The following ORMDL1 variants were observed in gnomAD, a reference collection of about 807,000 sequenced individuals.
ORMDL1 encodes ORMDL sphingolipid biosynthesis regulator 1.
A neutral mutation model predicts 13.0 loss-of-function variants in ORMDL1; 10 were observed. The observed-to-expected ratio is 0.77, with a 90% confidence interval of 0.47 to 1.30. ORMDL1 has a LOEUF of 1.30. ORMDL1 is among the 50% of genes most tolerant of loss of function. The pLI is 0.00. For synonymous variants in ORMDL1, 61 were observed against 63.9 expected (o/e 0.95, Z 0.22); for missense variants, 171 against 186.7 (o/e 0.92, Z 0.49).
intron 3 of ORMDL1, chr2:189,778,246 T>C (rs1360823431): frequency 2.5e-6 from 1 of 392,842 alleles, no homozygotes; most frequent in East Asian, 7.2e-5. Flanking sequence ...AATACAAAAA[T>C]TAGCCAGGCA....
intron 4 of ORMDL1, 146 bp from the exon 5 acceptor site, chr2:189,772,048 C>A (rs534141853): frequency 1.6e-6 from 1 of 643,908 alleles, no homozygotes; most frequent in South Asian, 3.1e-5. Flanking sequence ...CAAGAGGAAT[C>A]GGTTTGGTCC....
chr2:189,781,278 T>G (rs2047822020), intron 3 of ORMDL1, among the ~76,000 whole-genome samples: 2 of 152,218 alleles, frequency 1.3e-5, no homozygotes, highest in African/African-American at 2.4e-5. Flanking sequence ...TCTTAATGCT[T>G]TAAGTTCATT....
At chr2:189,769,344 G>A (rs943518173), downstream of ORMDL1, among the ~76,000 whole-genome samples, 6 of 151,418 alleles carry the variant, frequency 4.0e-5, no homozygotes, top group Admixed American at 3.3e-4. Context: ...CCGGGATCAC[G>A]CCACTGCACT....
At chr2:189,778,575 G>A in intron 3 of ORMDL1, 1 of 402,620 alleles carries the variant, frequency 2.5e-6, no homozygotes, top group Non-Finnish European at 5.0e-6. Context: ...ATCAGGCAGA[G>A]CAGGAAGGAG....
At chr2:189,779,204 T>C (rs1463065719) in intron 3 of ORMDL1, among the ~76,000 whole-genome samples, 1 of 152,194 alleles carries the variant, frequency 6.6e-6, no homozygotes, top group Non-Finnish European at 1.5e-5. Flanking sequence ...TGGCTGGGCA[T>C]GCTGGCTCAT....
At chr2:189,775,126 C>T (rs1450236452) in intron 4 of ORMDL1, 1 of 153,306 alleles carries the variant, frequency 6.5e-6, no homozygotes, top group African/African-American at 2.4e-5. Flanking sequence ...AAAGCCTGAC[C>T]TACTTTTTTC....
intron 3 of ORMDL1, chr2:189,778,132 G>A (rs946565252): frequency 4.5e-6 from 2 of 448,084 alleles, no homozygotes; most frequent in Non-Finnish European, 8.9e-6. Context: ...CTAAACCGTG[G>A]TGGCTCACAC....
chr2:189,782,676 G>C (rs2047888667), intron 2 of ORMDL1, 74 bp from the exon 3 acceptor site: 1 of 1,379,720 alleles, frequency 7.2e-7, no homozygotes, highest in Non-Finnish European at 1.0e-6. Flanking sequence ...ACATGACAAG[G>C]TACCTGTGTT....
Position 189,771,811 on chromosome 2 carries a change from G to A in ORMDL1, c.418C>T (p.Pro140Ser). 6.2e-7 allele frequency: 1 copy of A among 1,612,064 alleles called. No individual in the cohort carries two copies. The highest frequency in any genetic ancestry group is 8.5e-7 in the Non-Finnish European group (1 of 1,179,182). ...AAGATCCGAACACCATGTAGTTGTG[G>A]CATTTTGGGAATTAGTACACTCAGG... ...SLLSVLIPKM[P>S]QLHGVRIFGI... The change falls in exon 5 of 5, where the codon CCA (proline) becomes TCA (serine). Residue 140 changes from proline (P) to serine (S), a missense_variant. Physicochemically the swap from Pro to Ser is moderately conservative, Grantham distance 74. Transcript: ENST00000392349.
chr2:189,773,176 C>T (rs2047616292), intron 4 of ORMDL1, among the ~76,000 whole-genome samples: 1 of 152,002 alleles, frequency 6.6e-6, no homozygotes, highest in African/African-American at 2.4e-5. Context: ...AGCATATGTC[C>T]CCTTTTTGTC....
intron 3 of ORMDL1, among the ~76,000 whole-genome samples, chr2:189,781,725 AG>A (rs2047840084): frequency 1.3e-5 from 2 of 149,194 alleles, no homozygotes; most frequent in South Asian, 4.1e-4. Context: ...AAAGCGTGAA[AG>A]AAAAAAGAAA....
intron 3 of ORMDL1, among the ~76,000 whole-genome samples, chr2:189,777,384 C>A (rs149856168): frequency 6.6e-6 from 1 of 152,054 alleles, no homozygotes; most frequent in African/African-American, 2.4e-5. Context: ...TTCAAATCAT[C>A]GGGGGTATAG....
downstream of ORMDL1, among the ~76,000 whole-genome samples, chr2:189,766,621 G>A (rs1165728719): frequency 6.6e-6 from 1 of 152,160 alleles, no homozygotes; most frequent in Non-Finnish European, 1.5e-5. Context: ...CTACGTGGGA[G>A]GCTGAGGCAT....
At chr2:189,769,654 A>G (rs1204162441), downstream of ORMDL1, among the ~76,000 whole-genome samples, 1 of 152,222 alleles carries the variant, frequency 6.6e-6, no homozygotes, top group East Asian at 1.9e-4. Flanking sequence ...GCAACAAATC[A>G]TAATAATGGA....
chr2:189,769,695 C>G (rs894510250), downstream of ORMDL1, among the ~76,000 whole-genome samples: 7 of 151,886 alleles, frequency 4.6e-5, no homozygotes, highest in African/African-American at 1.7e-4. Context: ...TATCCATAAG[C>G]CCAGAGTATA....
downstream of ORMDL1, among the ~76,000 whole-genome samples, chr2:189,768,813 T>C (rs1420346395): frequency 6.6e-6 from 1 of 152,176 alleles, no homozygotes; most frequent in Non-Finnish European, 1.5e-5. Flanking sequence ...AACTGGAACT[T>C]AGAGCAGAAT....
intron 3 of ORMDL1, among the ~76,000 whole-genome samples, chr2:189,779,935 T>C (rs1318438056): frequency 6.6e-6 from 1 of 152,234 alleles, no homozygotes; most frequent in Non-Finnish European, 1.5e-5. Flanking sequence ...GTAGTAGTTA[T>C]TACCAAAGCT....
chr2:189,766,266 A>G (rs1440905192), downstream of ORMDL1, among the ~76,000 whole-genome samples: 2 of 152,246 alleles, frequency 1.3e-5, no homozygotes, highest in Non-Finnish European at 2.9e-5. Flanking sequence ...TATTTTACAA[A>G]TTAACTTTTC....
At chr2:189,764,230 G>C in the ORMDL1 span, 1 of 152,200 alleles carries the variant, frequency 6.6e-6, no homozygotes, top group African/African-American at 2.4e-5. Context: ...GGTTAGAGAG[G>C]TCAGAGCTTA....
Sources: allele counts gnomAD v4.1 joint callset (sites outside exome capture counted in the v4.1 genomes callset), GRCh38; gene constraint gnomAD v4.1.1; transcripts MANE v1.5; gene names NCBI Gene and HGNC (gene_info 2026-07-23, HGNC 2026-07-21).